MDN1: variants seen among roughly 807,000 people sequenced by gnomAD.
The protein encoded by MDN1 is midasin.
A neutral mutation model predicts 669.2 loss-of-function variants in MDN1; 266 were observed. The ratio of observed to expected loss-of-function variants is 0.40; its 90% confidence interval spans 0.36 to 0.44. The LOEUF is 0.44. Among genes scored for constraint, MDN1 ranks in the 20% least tolerant of loss-of-function variants. MDN1 has a pLI of 1.00. For missense variants in MDN1, 5,940 were observed against 6,754.0 expected, an observed-to-expected ratio of 0.88 and a Z score of 4.22; for synonymous variants, 2,385 against 2,457.1, an observed-to-expected ratio of 0.97 and a Z score of 0.87.
In MDN1 at chr6:89,785,610, T is replaced by C. The variant is rs529112209; in HGVS notation, c.1335-484A>G. On this transcript the variant is annotated intron_variant, in intron 8 of 101. Transcript: ENST00000369393. ...TCTGGGGAAGGTACATGCTTATGCATAGGCCACTTAGTCCTCACAACTGTC... is the reference window on the plus strand; with the variant it reads ...TCTGGGGAAGGTACATGCTTATGCACAGGCCACTTAGTCCTCACAACTGTC... Among the ~76,000 whole-genome samples, 4 of 152,320 alleles carry C rather than the reference T, an allele frequency of 2.6e-5. No homozygotes were observed. The South Asian group carries it at 8.3e-4, about 32-fold the overall frequency.
rs1813181488 is a variant in MDN1 at position 89,701,836 on chromosome 6, G to A, written c.8306+68C>T. 7 of 1,541,016 alleles carry A rather than the reference G, an allele frequency of 4.5e-6. No individual in the cohort carries two copies. In the South Asian group the frequency reaches 5.1e-5, roughly 11 times the overall value. On this transcript the variant is annotated intron_variant, in intron 54 of 101. Transcript: ENST00000369393. Reference sequence around the variant, plus strand: ...AAATAAAGCAAGAAGAAACAGTTTCGGTTCCAAATCTTATCCTTAACATCT... The same window carrying A: ...AAATAAAGCAAGAAGAAACAGTTTCAGTTCCAAATCTTATCCTTAACATCT...
At chr6:89,656,635 T>A in intron 91 of MDN1, 65 bp downstream of exon 91, 41 of 993,676 alleles carry the variant, frequency 4.1e-5, no homozygotes, top group Non-Finnish European at 5.4e-5. Flanking sequence ...TTTAAAGCAC[T>A]ACGTTTGGAA....
At chr6:89,679,348 G>A (rs1377638175) in intron 74 of MDN1, among the ~76,000 whole-genome samples, 1 of 152,158 alleles carries the variant, frequency 6.6e-6, no homozygotes, top group Admixed American at 6.5e-5. Context: ...TTTCTATATA[G>A]CACCAAGCTG....
At chr6:89,715,604 C>T (rs765263335) in intron 45 of MDN1, 49 bp downstream of exon 45, 25 of 1,122,994 alleles carry the variant, frequency 2.2e-5, no homozygotes, top group Non-Finnish European at 3.4e-5. Flanking sequence ...TCTACCTCTG[C>T]TACTGAGGCT....
chr6:89,811,930 T>C (rs1020707848), intron 1 of MDN1, among the ~76,000 whole-genome samples: 1 of 152,078 alleles, frequency 6.6e-6, no homozygotes, highest in Admixed American at 6.6e-5. Context: ...GTAGCTGGGA[T>C]ACAAGCAAGT....
At chr6:89,707,961 G>C (rs1813631384) in intron 51 of MDN1, among the ~76,000 whole-genome samples, 1 of 152,148 alleles carries the variant, frequency 6.6e-6, no homozygotes, top group South Asian at 2.1e-4. Context: ...CTGAGGAAGA[G>C]ACAAGTAAAA....
In MDN1 at chr6:89,658,327, G is replaced by A. The variant is rs1358300753; in HGVS notation, c.15065C>T (p.Pro5022Leu). The stretch of plus-strand genomic sequence containing the variant: ...ATGCTCCTTCCTCTCCAAAGCCTCT[G>A]GCACCTGCTCCTCTGTATCAGAGTC... Reference protein sequence around the residue: ...REDSDTEEQVPEALERKEHAS... With the variant: ...REDSDTEEQVLEALERKEHAS... The change falls in exon 90 of 102, where the codon CCA (proline) becomes CTA (leucine). Residue 5022 changes from proline (P) to leucine (L), a missense_variant. Pro to Leu is a moderately conservative substitution (Grantham distance 98). Around this residue, in one of 5 missense-constraint regions of MDN1, gnomAD observed 2,280 missense variants for 2,576.3 expected, o/e 0.88. Coordinates refer to ENST00000369393, the MANE Select transcript of MDN1 (RefSeq NM_014611.3). 1 of 1,614,108 alleles carries A rather than the reference G, an allele frequency of 6.2e-7. No individual in the cohort carries two copies. Among genetic ancestry groups the A allele is most frequent in the Admixed American group, 1.7e-5 (1 of 60,020 alleles).
intron 84 of MDN1, 48 bp downstream of exon 84, chr6:89,667,961 TGAAAA>T: frequency 6.3e-7 from 1 of 1,581,962 alleles, no homozygotes; most frequent in Non-Finnish European, 8.6e-7. Context: ...ACTTACATGT[TGAAAA>T]GAAAGAGAGT....
Position 89,772,732 on chromosome 6 carries a change from GAA to G in MDN1, c.1935-13_1935-12del. The G allele has an allele frequency of 6.2e-7, 1 of 1,607,928 alleles. No homozygotes were observed. Among genetic ancestry groups the G allele is most frequent in the Non-Finnish European group, 8.5e-7 (1 of 1,177,772 alleles). ...AAAGTGAACTTCTCCCTGGGAAGGA[GAA>G]AAAAAGAGTTTAAAAACCACGCTGC... On this transcript the variant is annotated splice_polypyrimidine_tract_variant and intron_variant, in intron 13 of 101. Transcript: ENST00000369393.
At chr6:89,786,255 C>T (rs1358376118) in intron 8 of MDN1, among the ~76,000 whole-genome samples, 1 of 151,662 alleles carries the variant, frequency 6.6e-6, no homozygotes, top group Non-Finnish European at 1.5e-5. Context: ...GAGACTCGGT[C>T]TCAAAAAAAA....
chr6:89,800,709 G>A (rs964264215), intron 2 of MDN1, among the ~76,000 whole-genome samples: 1 of 152,142 alleles, frequency 6.6e-6, no homozygotes, highest in Non-Finnish European at 1.5e-5. Flanking sequence ...GGAAGTCTCT[G>A]ATTGATAGCC....
intron 38 of MDN1, 139 bp from the exon 39 acceptor site, chr6:89,723,758 TTTC>T: frequency 2.0e-6 from 1 of 489,686 alleles, no homozygotes; most frequent in Non-Finnish European, 3.4e-6. Flanking sequence ...GTTATAGAAA[TTTC>T]TTTTTTTGTG....
chr6:89,671,845 G>A (rs1287046541), intron 82 of MDN1, among the ~76,000 whole-genome samples: 1 of 152,252 alleles, frequency 6.6e-6, no homozygotes, highest in Admixed American at 6.5e-5. Context: ...TTCGCTTATT[G>A]TAGTGGGAAT....
intron 76 of MDN1, 36 bp downstream of exon 76, chr6:89,677,534 A>G (rs527831820): frequency 5.2e-5 from 84 of 1,611,090 alleles, no homozygotes; most frequent in Non-Finnish European, 6.4e-5. Context: ...TGCTCCATTT[A>G]TAAGTAGGGA....
At chr6:89,814,727 C>T (rs538512398) in intron 1 of MDN1, 17 of 357,806 alleles carry the variant, frequency 4.8e-5, no homozygotes, top group African/African-American at 3.2e-4. Context: ...GAGATCTCTC[C>T]AGCACCAGGA....
chr6:89,745,687 G>A, intron 27 of MDN1, 61 bp from the exon 28 acceptor site: 2 of 1,502,354 alleles, frequency 1.3e-6, no homozygotes, highest in African/African-American at 1.4e-5. Flanking sequence ...GGAACACCAA[G>A]GGATATGGAG....
At chr6:89,684,132 A>G (rs79154473) in intron 71 of MDN1, among the ~76,000 whole-genome samples, 5,472 of 152,130 alleles carry the variant, frequency 0.036, 132 homozygotes, top group South Asian at 0.14. Flanking sequence ...ATCACAAGGT[A>G]AGGAGATTGA....
chr6:89,787,727 G>C (rs1487301650), intron 8 of MDN1, 127 bp downstream of exon 8: 5 of 626,140 alleles, frequency 8.0e-6, no homozygotes, highest in South Asian at 6.2e-5. Flanking sequence ...GGTTAGACCT[G>C]TTATCACTTC....
chr6:89,668,508 A>C (rs1041424214), intron 83 of MDN1, among the ~76,000 whole-genome samples: 21 of 152,216 alleles, frequency 1.4e-4, no homozygotes, highest in Non-Finnish European at 8.8e-5. Flanking sequence ...GAGAGAACAC[A>C]GTCAGACATA....
Sources: gnomAD v4.1 joint callset for allele counts (sites outside exome capture counted in the v4.1 genomes callset) on GRCh38, gnomAD v4.1.1 for gene constraint, gnomAD v4.1.1 regional missense constraint, MANE v1.5 for transcripts, NCBI Gene and HGNC (gene_info 2026-07-23, HGNC 2026-07-21) for gene names.